LCORL: variants seen among roughly 807,000 people sequenced by gnomAD.
The protein encoded by LCORL is ligand-dependent nuclear receptor corepressor-like protein.
LCORL carries 41 observed loss-of-function variants against 141.8 expected under a neutral mutation model. That is an observed-to-expected ratio of 0.29 (90% CI 0.23 to 0.38). The LOEUF is 0.38. LCORL is among the 10% of genes least tolerant of loss of function. LCORL has a pLI of 1.00. For synonymous variants in LCORL, 618 were observed against 694.1 expected, an observed-to-expected ratio of 0.89 and a Z score of 1.72; for missense variants, 1,759 against 2,035.0, an observed-to-expected ratio of 0.86 and a Z score of 2.61.
intron 1 of LCORL, among the ~76,000 whole-genome samples, chr4:17,981,977 A>ATTT (rs1718067340): frequency 6.6e-6 from 1 of 152,034 alleles, no homozygotes; most frequent in Non-Finnish European, 1.5e-5. Context: ...TATATGGTAG[A>ATTT]ATACATGGTA....
intron 1 of LCORL, among the ~76,000 whole-genome samples, chr4:18,007,289 T>C (rs2109854145): frequency 6.6e-6 from 1 of 152,318 alleles, no homozygotes; most frequent in East Asian, 1.9e-4. Context: ...ATCAAATAAA[T>C]TCTAAGTATA....
chr4:17,888,489 A>G (rs1205900914), intron 5 of LCORL, among the ~76,000 whole-genome samples: 2 of 152,174 alleles, frequency 1.3e-5, no homozygotes, highest in African/African-American at 2.4e-5. Flanking sequence ...TCTGCCTAGA[A>G]TGCTCTACTT....
chr4:18,009,885 C>T (rs1723420739), intron 1 of LCORL, among the ~76,000 whole-genome samples: 1 of 152,166 alleles, frequency 6.6e-6, no homozygotes, highest in African/African-American at 2.4e-5. Context: ...AGATCCCACT[C>T]CTCTTACATG....
At chr4:17,917,742 T>C (rs1464651254) in intron 4 of LCORL, among the ~76,000 whole-genome samples, 1 of 152,194 alleles carries the variant, frequency 6.6e-6, no homozygotes, top group African/African-American at 2.4e-5. Context: ...GTTGCTGTTT[T>C]GCAGGGTGGG....
At chr4:17,938,608 G>T (rs1392033100) in intron 4 of LCORL, among the ~76,000 whole-genome samples, 1 of 150,820 alleles carries the variant, frequency 6.6e-6, no homozygotes, top group Non-Finnish European at 1.5e-5. Flanking sequence ...TAGAGATGGG[G>T]TTTCTCCATG....
At chr4:18,010,356 A>T (rs1181918133) in intron 1 of LCORL, among the ~76,000 whole-genome samples, 2 of 152,146 alleles carry the variant, frequency 1.3e-5, no homozygotes, top group Non-Finnish European at 2.9e-5. Context: ...ACTAAAATAT[A>T]CATAAATGTG....
exon 7 of LCORL, chr4:17,876,250 C>T: frequency 1.6e-6 from 2 of 1,230,842 alleles, no homozygotes. Context: ...TTATTCAAAT[C>T]CACTGTAGGC....
intron 5 of LCORL, among the ~76,000 whole-genome samples, chr4:17,898,112 GGTTT>G (rs974030234): frequency 1.3e-5 from 2 of 151,652 alleles, no homozygotes; most frequent in Non-Finnish European, 2.9e-5. Context: ...TTACATATTT[GGTTT>G]GTTCTACAGA....
exon 7 of LCORL, chr4:17,875,283 G>T: frequency 8.1e-7 from 1 of 1,231,404 alleles, no homozygotes. Flanking sequence ...CTTCTGATTT[G>T]GTCGAATAAT....
intron 4 of LCORL, among the ~76,000 whole-genome samples, chr4:17,914,402 G>A (rs903366722): frequency 1.3e-5 from 2 of 152,140 alleles, no homozygotes; most frequent in African/African-American, 4.8e-5. Context: ...TGTGACTAGG[G>A]CTATACTTTA....
intron 4 of LCORL, among the ~76,000 whole-genome samples, chr4:17,910,968 C>T (rs939131472): frequency 6.6e-6 from 1 of 152,136 alleles, no homozygotes; most frequent in Non-Finnish European, 1.5e-5. Flanking sequence ...GGACACTATT[C>T]GTTTTGGGGC....
intron 1 of LCORL, among the ~76,000 whole-genome samples, chr4:17,988,070 T>C (rs1230927900): frequency 6.6e-6 from 1 of 152,128 alleles, no homozygotes; most frequent in East Asian, 1.9e-4. Context: ...TCCAATGCTG[T>C]TCTGGTGATA....
At chr4:17,977,298 A>C (rs762465649) in intron 1 of LCORL, among the ~76,000 whole-genome samples, 6 of 152,178 alleles carry the variant, frequency 3.9e-5, no homozygotes, top group Non-Finnish European at 7.4e-5. Flanking sequence ...GGTTACATTT[A>C]GTTGTTTAAG....
At chr4:17,877,314 T>G in exon 7 of LCORL, 1 of 1,227,632 alleles carries the variant, frequency 8.1e-7, no homozygotes, top group East Asian at 3.2e-5. Flanking sequence ...ATTATATGTA[T>G]TATAATCACT....
intron 1 of LCORL, among the ~76,000 whole-genome samples, chr4:17,993,994 G>C (rs1720486971): frequency 6.6e-6 from 1 of 152,160 alleles, no homozygotes; most frequent in Non-Finnish European, 1.5e-5. Flanking sequence ...TATTCACTAA[G>C]ACAAGAAATT....
At chr4:17,917,208 G>T (rs1220335702) in intron 4 of LCORL, among the ~76,000 whole-genome samples, 2 of 148,658 alleles carry the variant, frequency 1.3e-5, no homozygotes, top group Non-Finnish European at 3.0e-5. Flanking sequence ...GTTTTGTTTT[G>T]TTTTTTTTTG....
chr4:17,901,925 T>C (rs1192367207), intron 5 of LCORL, among the ~76,000 whole-genome samples: 1 of 151,946 alleles, frequency 6.6e-6, no homozygotes, highest in Non-Finnish European at 1.5e-5. Flanking sequence ...AGAATAAGAA[T>C]ATCAATGTGT....
At chr4:18,020,253 T>C (rs1156670911) in intron 1 of LCORL, among the ~76,000 whole-genome samples, 1 of 152,108 alleles carries the variant, frequency 6.6e-6, no homozygotes, top group Non-Finnish European at 1.5e-5. Context: ...ACCAAATACA[T>C]GGGAGGCGGG....
At chr4:17,877,004 T>C in exon 7 of LCORL, 2 of 1,230,686 alleles carry the variant, frequency 1.6e-6, no homozygotes, top group South Asian at 4.1e-5. Flanking sequence ...CTTTGTCTGA[T>C]GAAGATATCT....
Sources: gnomAD v4.1 joint callset for allele counts (sites outside exome capture counted in the v4.1 genomes callset) on GRCh38, gnomAD v4.1.1 for gene constraint, MANE v1.5 for transcripts, NCBI Gene and HGNC (gene_info 2026-07-23, HGNC 2026-07-21) for gene names.